Variants in CACNA1A observed in about 807,000 individuals in gnomAD.
CACNA1A encodes the protein voltage-dependent P/Q-type calcium channel subunit alpha-1A.
A neutral mutation model predicts 262.4 loss-of-function variants in CACNA1A; 57 were observed. The observed-to-expected ratio is 0.22, with a 90% CI of 0.18 to 0.27. CACNA1A has a LOEUF of 0.27. CACNA1A is among the 10% of genes least tolerant of loss of function. The pLI, the probability that CACNA1A is intolerant of heterozygous loss-of-function variation, is 1.00. For missense variants in CACNA1A, 2,526 were observed against 3,562.8 expected, an observed-to-expected ratio of 0.71 and a Z score of 7.41; for synonymous variants, 1,431 against 1,419.3, an observed-to-expected ratio of 1.01 and a Z score of -0.18.
At chr19:13,489,567 C>T (rs10414649) in intron 1 of CACNA1A, among the ~76,000 whole-genome samples, 116,231 of 152,210 alleles carry the variant, frequency 0.76, 45,553 homozygotes, top group East Asian at 0.97. Context: ...CCATTGAGCC[C>T]AGCCTGGTCT....
intron 31 of CACNA1A, chr19:13,243,591 T>C (rs2056141353): frequency 6.6e-6 from 1 of 151,836 alleles, no homozygotes; most frequent in Admixed American, 6.6e-5. Flanking sequence ...GTTTTCGCTC[T>C]TGTCACCCAG....
intron 5 of CACNA1A, chr19:13,364,623 CTT>C (rs902943988): frequency 1.3e-5 from 2 of 150,650 alleles, no homozygotes; most frequent in African/African-American, 5.0e-5. Flanking sequence ...GGTGTGTGTT[CTT>C]TTTTTATTTA....
chr19:13,287,553 G>A (rs541059527), intron 19 of CACNA1A, among the ~76,000 whole-genome samples: 12 of 151,896 alleles, frequency 7.9e-5, no homozygotes, highest in African/African-American at 2.2e-4. Flanking sequence ...TTGCTCTGTC[G>A]TACAGTGGCG....
intron 4 of CACNA1A, among the ~76,000 whole-genome samples, chr19:13,369,601 C>G (rs115771940): frequency 0.012 from 1,903 of 152,322 alleles, 35 homozygotes; most frequent in African/African-American, 0.042. Context: ...AGAGAGTTCA[C>G]ACACAGTGAA....
chr19:13,220,592 C>T (rs2055184304), intron 38 of CACNA1A, among the ~76,000 whole-genome samples: 4 of 152,172 alleles, frequency 2.6e-5, no homozygotes, highest in Non-Finnish European at 5.9e-5. Flanking sequence ...CCTCGTGAGA[C>T]CCTCAGCAGA....
chr19:13,285,952 ATTTT>A (rs74181819), intron 20 of CACNA1A, among the ~76,000 whole-genome samples: 6 of 95,806 alleles, frequency 6.3e-5, no homozygotes, highest in African/African-American at 2.1e-4. Context: ...GCAGTTCACC[ATTTT>A]TTTTTTTTTT....
intron 1 of CACNA1A, among the ~76,000 whole-genome samples, chr19:13,477,868 G>A (rs907269456): frequency 1.3e-5 from 2 of 152,102 alleles, no homozygotes; most frequent in Admixed American, 6.6e-5. Context: ...GTTATACGAC[G>A]ATTATTTGTC....
chr19:13,381,150 T>A lies in CACNA1A; in HGVS notation c.540-9371A>T, dbSNP rs528870448. Among the ~76,000 whole-genome samples the A allele has an allele frequency of 7.2e-5, 11 of 152,150 alleles. 1 individual carries two copies. The highest frequency in any genetic ancestry group is 2.4e-4 in the African/African-American group (10 of 41,516). ...CTGTAATCTCAGCTACTCGGGAGGCTGAGGCAGGAGGATCGCTTGAGGCCA... is the reference window on the plus strand; with the variant it reads ...CTGTAATCTCAGCTACTCGGGAGGCAGAGGCAGGAGGATCGCTTGAGGCCA... On this transcript the variant is annotated intron_variant, in intron 3 of 46. Transcript: ENST00000360228.
chr19:13,477,086 T>G (rs1382581040), intron 1 of CACNA1A, among the ~76,000 whole-genome samples: 5 of 152,202 alleles, frequency 3.3e-5, no homozygotes, highest in African/African-American at 1.2e-4. Flanking sequence ...CCCTCTCTCT[T>G]GCTCACTGGC....
chr19:13,484,838 C>T (rs1375060931), intron 1 of CACNA1A, among the ~76,000 whole-genome samples: 1 of 152,228 alleles, frequency 6.6e-6, no homozygotes, highest in Non-Finnish European at 1.5e-5. Context: ...CTCAGTTTAT[C>T]AGCACTTCCC....
chr19:13,336,596 A>AGAGAGAGGGAGG (rs763741285), intron 6 of CACNA1A, among the ~76,000 whole-genome samples: 24 of 89,632 alleles, frequency 2.7e-4, no homozygotes, highest in African/African-American at 1.3e-3. Context: ...AGAGAGAGGG[A>AGAGAGAGGGAGG]GAGAGAGAGA....
At chr19:13,354,175 T>A (rs964830706) in intron 6 of CACNA1A, among the ~76,000 whole-genome samples, 3 of 152,180 alleles carry the variant, frequency 2.0e-5, no homozygotes, top group African/African-American at 7.2e-5. Context: ...AAGGGCTGCC[T>A]ACCCAGGTGG....
At chr19:13,221,249 T>TCTTTCTTTGTTTCTTTCTTTCTTTCTTTC (rs1197075563) in intron 38 of CACNA1A, among the ~76,000 whole-genome samples, 1 of 80,642 alleles carries the variant, frequency 1.2e-5, no homozygotes, top group African/African-American at 4.4e-5. Flanking sequence ...TTTTTTTTTT[T>TCTTTCTTTGTTTCTTTCTTTCTTTCTTTC]TTGAGACAGA....
intron 31 of CACNA1A, among the ~76,000 whole-genome samples, chr19:13,243,391 C>T (rs539021356): frequency 1.3e-5 from 2 of 152,280 alleles, no homozygotes; most frequent in Admixed American, 6.5e-5. Flanking sequence ...CCAGCCCCTC[C>T]TGGCCTTCTA....
At chr19:13,383,260 A>G (rs1293234774) in intron 3 of CACNA1A, among the ~76,000 whole-genome samples, 3 of 152,196 alleles carry the variant, frequency 2.0e-5, no homozygotes, top group Non-Finnish European at 4.4e-5. Flanking sequence ...GGCAGCCCCT[A>G]GGGCTTCCAA....
At chr19:13,424,912 C>G (rs1427138383) in intron 3 of CACNA1A, among the ~76,000 whole-genome samples, 2 of 152,142 alleles carry the variant, frequency 1.3e-5, no homozygotes. Flanking sequence ...TCAAGCAATT[C>G]TCCTGCCTCA....
chr19:13,441,926 C>T (rs1412434292), intron 3 of CACNA1A, among the ~76,000 whole-genome samples: 1 of 152,160 alleles, frequency 6.6e-6, no homozygotes, highest in African/African-American at 2.4e-5. Context: ...TCTTCTCCAG[C>T]CCCACAGGGA....
intron 3 of CACNA1A, among the ~76,000 whole-genome samples, chr19:13,423,340 C>T (rs1356728298): frequency 6.6e-6 from 1 of 152,110 alleles, no homozygotes; most frequent in Non-Finnish European, 1.5e-5. Flanking sequence ...GGGTTCATCC[C>T]TACCTTAAAT....
chr19:13,226,744 C>G (rs2055464405), intron 37 of CACNA1A, among the ~76,000 whole-genome samples: 1 of 152,198 alleles, frequency 6.6e-6, no homozygotes, highest in Non-Finnish European at 1.5e-5. Context: ...CGTGCATGGC[C>G]TGCATCAGTG....
Sources: gnomAD v4.1 joint callset for allele counts (sites outside exome capture counted in the v4.1 genomes callset) on GRCh38, gnomAD v4.1.1 for gene constraint, MANE v1.5 for transcripts, NCBI Gene and HGNC (gene_info 2026-07-23, HGNC 2026-07-21) for gene names.